MEF2C: variants seen among roughly 807,000 people sequenced by gnomAD.
The protein encoded by MEF2C is myocyte-specific enhancer factor 2C.
Under a neutral mutation model 50.5 loss-of-function variants are expected in MEF2C, and 6 were observed. That is an observed-to-expected ratio of 0.12 (90% CI 0.07 to 0.23). The LOEUF (loss-of-function observed/expected upper bound fraction) is 0.23, where lower values mean the gene tolerates loss of function less well. MEF2C is among the 10% of genes least tolerant of loss of function. MEF2C has a pLI of 1.00. For missense variants in MEF2C, 276 were observed against 605.0 expected, an observed-to-expected ratio of 0.46 and a Z score of 5.70; for synonymous variants, 183 against 228.0, an observed-to-expected ratio of 0.80 and a Z score of 1.78.
chr5:88,766,819 G>A (rs1375032441), intron 3 of MEF2C: 10 of 985,162 alleles, frequency 1.0e-5, no homozygotes, highest in East Asian at 1.1e-4. Flanking sequence ...TCAATGTCAT[G>A]TTCACACAAA....
At chr5:88,779,100 T>C (rs932288007) in intron 3 of MEF2C, among the ~76,000 whole-genome samples, 5 of 152,272 alleles carry the variant, frequency 3.3e-5, no homozygotes, top group African/African-American at 1.2e-4. Flanking sequence ...TTTACAATTA[T>C]GATGCTTTGC....
intron 10 of MEF2C, among the ~76,000 whole-genome samples, chr5:88,727,029 A>G (rs186108950): frequency 3.3e-5 from 5 of 152,220 alleles, no homozygotes; most frequent in Admixed American, 2.6e-4. Flanking sequence ...GACAAGAATC[A>G]TGTTCAGTGG....
chr5:88,900,372 G>C (rs1209247551), intron 1 of MEF2C, among the ~76,000 whole-genome samples: 1 of 151,108 alleles, frequency 6.6e-6, no homozygotes, highest in African/African-American at 2.4e-5. Flanking sequence ...ATACTTATGT[G>C]TTAGTATATT....
At chr5:88,779,963 G>A (rs1236557504) in intron 3 of MEF2C, among the ~76,000 whole-genome samples, 2 of 151,872 alleles carry the variant, frequency 1.3e-5, no homozygotes, top group Non-Finnish European at 2.9e-5. Flanking sequence ...TGGCCAAGAT[G>A]GTGAAACCCC....
At position 88,895,132 on chromosome 5, in the gene MEF2C, C is replaced by T. The variant is rs115746273; in HGVS notation, c.-239-7534G>A. ...AGAAATACCCCATATTCCTGGAAAA[C>T]ATCTCAATGTTGTAGTTATGTAATG... On this transcript the variant is annotated intron_variant, in intron 1 of 11. Transcript: ENST00000340208. Among the ~76,000 whole-genome samples, 1,106 of 152,254 alleles carry T rather than the reference C, an allele frequency of 7.3e-3. 14 individuals carry two copies. The highest frequency in any genetic ancestry group is 0.025 in the African/African-American group (1,025 of 41,546).
At chr5:88,799,913 C>CACACACACAG (rs1266169497) in intron 3 of MEF2C, among the ~76,000 whole-genome samples, 35 of 63,662 alleles carry the variant, frequency 5.5e-4, no homozygotes, top group African/African-American at 1.7e-3. Flanking sequence ...CACACACACA[C>CACACACACAG]AGAGAGAGAG....
At chr5:88,819,300 A>G in intron 2 of MEF2C, 5 of 972,092 alleles carry the variant, frequency 5.1e-6, no homozygotes, top group Non-Finnish European at 6.1e-6. Context: ...TTCGTGTTGA[A>G]TATGAGAGAT....
At chr5:88,803,478 C>A (rs1308529609) in intron 3 of MEF2C, among the ~76,000 whole-genome samples, 1 of 152,156 alleles carries the variant, frequency 6.6e-6, no homozygotes, top group Non-Finnish European at 1.5e-5. Context: ...TGGAACCAGT[C>A]TAAGCAATGG....
chr5:88,860,070 A>C (rs972272579), intron 1 of MEF2C, among the ~76,000 whole-genome samples: 2 of 152,164 alleles, frequency 1.3e-5, no homozygotes, highest in Non-Finnish European at 2.9e-5. Context: ...TGGCCAATTC[A>C]GCCTTCTAAT....
At chr5:88,843,429 T>C (rs1561299413) in intron 1 of MEF2C, 1 of 985,054 alleles carries the variant, frequency 1.0e-6, no homozygotes, top group Non-Finnish European at 1.2e-6. Context: ...TGGAATTCTA[T>C]TGAGACATTG....
chr5:88,805,823 C>CTTTT lies in MEF2C; in HGVS notation c.55-1026_55-1023dup, dbSNP rs869224140. On this transcript the variant is annotated intron_variant, in intron 2 of 10. Coordinates refer to ENST00000504921, the MANE Select transcript of MEF2C (RefSeq NM_002397.5). ...TGGCTACTGAAAAGGCGTGAACATT[C>CTTTT]TTTTTTTTTTTTTTTTTTTTTTTTT... 7.3e-4 allele frequency among the ~76,000 whole-genome samples: 45 copies of CTTTT among 61,588 alleles called. 4 individuals are homozygous for CTTTT. The highest frequency in any genetic ancestry group is 1.1e-3 in the Non-Finnish European group (38 of 33,340). The allele number at this position is 61,588 out of a possible 152,430, so 40.4% of individuals were successfully genotyped here.
At chr5:88,741,509 A>C (rs1209517409) in intron 6 of MEF2C, 5 of 985,200 alleles carry the variant, frequency 5.1e-6, no homozygotes, top group Non-Finnish European at 4.8e-6. Flanking sequence ...TTGGGCAAAA[A>C]TTTTGGTCCA....
chr5:88,772,739 C>T (rs552133900), intron 3 of MEF2C: 4 of 985,300 alleles, frequency 4.1e-6, no homozygotes, highest in Non-Finnish European at 3.6e-6. Flanking sequence ...AATAAACCAG[C>T]CTGCTCTTCA....
intron 1 of MEF2C, among the ~76,000 whole-genome samples, chr5:88,895,755 C>G (rs566223354): frequency 3.4e-4 from 52 of 152,254 alleles, no homozygotes; most frequent in African/African-American, 1.2e-3. Flanking sequence ...TCTTTCTCCT[C>G]TGGGCCTTCC....
At chr5:88,804,910 A>T in intron 2 of MEF2C, 109 bp from the exon 3 acceptor site, 1 of 762,898 alleles carries the variant, frequency 1.3e-6, no homozygotes, top group Non-Finnish European at 2.1e-6. Context: ...TAGTTGTCAG[A>T]GCCCTGGGCA....
At chr5:88,843,313 G>T in intron 1 of MEF2C, 1 of 980,868 alleles carries the variant, frequency 1.0e-6, no homozygotes, top group Middle Eastern at 5.3e-4. Flanking sequence ...GTTACATCAC[G>T]TAAAATATTG....
chr5:88,867,727 G>A (rs1827872498), intron 1 of MEF2C, among the ~76,000 whole-genome samples: 1 of 152,150 alleles, frequency 6.6e-6, no homozygotes, highest in East Asian at 1.9e-4. Flanking sequence ...GAATTCCTAA[G>A]TCATACTTGA....
chr5:88,723,077 G>A (rs1008777137), intron 10 of MEF2C, among the ~76,000 whole-genome samples, 152 bp from the exon 11 acceptor site: 2 of 152,218 alleles, frequency 1.3e-5, no homozygotes, highest in Admixed American at 6.5e-5. Context: ...TAAGGGCATC[G>A]CCTTCTCAGG....
chr5:88,732,718 G>A (rs1203004141), intron 6 of MEF2C, among the ~76,000 whole-genome samples: 1 of 152,178 alleles, frequency 6.6e-6, no homozygotes, highest in Non-Finnish European at 1.5e-5. Flanking sequence ...ATGACCAAGA[G>A]AGCTAGGGAG....
Sources: gnomAD v4.1 joint callset for allele counts (sites outside exome capture counted in the v4.1 genomes callset) on GRCh38, gnomAD v4.1.1 for gene constraint, MANE v1.5 for transcripts, NCBI Gene and HGNC (gene_info 2026-07-23, HGNC 2026-07-21) for gene names.